PCDH11X: variants seen among roughly 807,000 people sequenced by gnomAD.
PCDH11X encodes the protein protocadherin-11 X-linked.
A neutral mutation model predicts 53.3 loss-of-function variants in PCDH11X; 18 were observed. The ratio of observed to expected loss-of-function variants is 0.34; its 90% CI spans 0.23 to 0.50. The LOEUF is 0.50. PCDH11X is among the 20% of genes least tolerant of loss of function. The probability of loss-of-function intolerance (pLI) is 0.98; values close to 1 mark genes in which losing one functional copy is unlikely to be tolerated. For synonymous variants in PCDH11X, 279 were observed against 393.3 expected (o/e 0.71, Z 3.44); for missense variants, 570 against 1,032.4 (o/e 0.55, Z 6.14).
chrX:91,815,427 CA>C (rs1232725923), intron 4 of PCDH11X, among the ~76,000 whole-genome samples: 1 of 110,799 alleles, frequency 9.0e-6, no homozygotes, highest in Non-Finnish European at 1.9e-5. Context: ...AAGACAATTG[CA>C]AAAAAATGAT....
intron 6 of PCDH11X, among the ~76,000 whole-genome samples, chrX:91,926,663 A>T (rs1358462774): frequency 2.3e-4 from 26 of 110,639 alleles, no homozygotes; most frequent in Non-Finnish European, 3.0e-4. Flanking sequence ...CAAATATTAT[A>T]TTTTTTGATT....
intron 6 of PCDH11X, among the ~76,000 whole-genome samples, chrX:92,005,009 C>T (rs755035960): frequency 2.5e-4 from 28 of 110,467 alleles, no homozygotes; most frequent in African/African-American, 8.6e-4. Context: ...CTCCTGACCT[C>T]GTGATCCTCC....
chrX:92,481,052 T>G (rs2073492935), intron 10 of PCDH11X, among the ~76,000 whole-genome samples: 1 of 110,749 alleles, frequency 9.0e-6, no homozygotes, highest in Non-Finnish European at 1.9e-5. Flanking sequence ...CAGGTCTTTG[T>G]GCACCCTCTA....
At chrX:92,379,323 G>A (rs1002271937) in intron 8 of PCDH11X, among the ~76,000 whole-genome samples, 4 of 113,044 alleles carry the variant, frequency 3.5e-5, no homozygotes, top group Non-Finnish European at 7.5e-5. Context: ...GCCAAGCCTG[G>A]GCACTGTGGC....
chrX:92,035,024 T>C (rs2063107587), intron 6 of PCDH11X, among the ~76,000 whole-genome samples: 1 of 110,643 alleles, frequency 9.0e-6, no homozygotes, highest in Admixed American at 9.7e-5. Context: ...CAAGCAAAAA[T>C]AAAACTAATA....
chrX:92,447,051 C>A (rs938934691), intron 9 of PCDH11X, among the ~76,000 whole-genome samples: 1 of 111,744 alleles, frequency 8.9e-6, no homozygotes, highest in African/African-American at 3.3e-5. Context: ...TTTAAGGTAT[C>A]TAGCAGAAGA....
chrX:92,134,981 C>T (rs1034528562), intron 6 of PCDH11X, among the ~76,000 whole-genome samples: 3 of 110,957 alleles, frequency 2.7e-5, no homozygotes, highest in African/African-American at 9.8e-5. Flanking sequence ...CAGTAGGACT[C>T]AGTCTCATTT....
chrX:92,551,977 G>T, intron 10 of PCDH11X, among the ~76,000 whole-genome samples: 1 of 65,458 alleles, frequency 1.5e-5, no homozygotes, highest in African/African-American at 5.0e-5. Flanking sequence ...GTCAGGTAAG[G>T]TGATTCCTCT....
rs755368049 is a variant in PCDH11X at position 92,105,540 on chromosome X, G to A, written c.3034-95835G>A. On this transcript the variant is annotated intron_variant, in intron 6 of 10. Coordinates refer to ENST00000682573, the MANE Select transcript of PCDH11X (RefSeq NM_032968.5). ...CGGGCTGAGTCGGAAAAGAGAGTCA[G>A]CGAAGGGAGATAGGGGTGGGGCCGT... Among the ~76,000 whole-genome samples the A allele has an allele frequency of 4.6e-5, 5 of 109,640 alleles. No individual in the cohort carries two copies. In the Admixed American group the frequency reaches 4.9e-4, roughly 11 times the overall value.
At chrX:92,111,071 G>A (rs1361116640) in intron 6 of PCDH11X, among the ~76,000 whole-genome samples, 1 of 106,856 alleles carries the variant, frequency 9.4e-6, no homozygotes, top group Non-Finnish European at 1.9e-5. Flanking sequence ...CTAAATACTT[G>A]GCAAAGGAAA....
At chrX:92,410,292 TG>T (rs1270862443) in intron 9 of PCDH11X, among the ~76,000 whole-genome samples, 1 of 108,152 alleles carries the variant, frequency 9.2e-6, no homozygotes, top group Non-Finnish European at 1.9e-5. Context: ...GGTAGGCATC[TG>T]TTCAGGTATT....
chrX:92,154,461 G>A (rs1469293943), intron 6 of PCDH11X, among the ~76,000 whole-genome samples: 2 of 107,089 alleles, frequency 1.9e-5, no homozygotes, highest in Non-Finnish European at 1.9e-5. Context: ...GAAACTCTGC[G>A]TAGAGAAAAG....
intron 8 of PCDH11X, among the ~76,000 whole-genome samples, chrX:92,375,166 A>ATATATATATATATAT (rs1302181048): frequency 2.4e-4 from 2 of 8,262 alleles, no homozygotes; most frequent in South Asian, 9.8e-3. Flanking sequence ...ATATATATAT[A>ATATATATATATATAT]TTTTTTTTTT....
intron 5 of PCDH11X, among the ~76,000 whole-genome samples, chrX:91,839,616 A>T (rs1434812084): frequency 9.0e-6 from 1 of 110,504 alleles, no homozygotes; most frequent in East Asian, 2.8e-4. Flanking sequence ...AAAAATAAAT[A>T]AATAAAATTA....
intron 6 of PCDH11X, among the ~76,000 whole-genome samples, chrX:91,969,809 A>T (rs2061923735): frequency 9.3e-6 from 1 of 108,051 alleles, no homozygotes; most frequent in African/African-American, 3.4e-5. Flanking sequence ...AAAAAAAAAA[A>T]AGGAAAAAAG....
chrX:92,091,805 A>G (rs763861442), intron 6 of PCDH11X, among the ~76,000 whole-genome samples: 4 of 111,341 alleles, frequency 3.6e-5, no homozygotes, highest in Non-Finnish European at 7.5e-5. Context: ...CAGATAGCCA[A>G]CTTCAGAGAG....
intron 6 of PCDH11X, among the ~76,000 whole-genome samples, chrX:92,037,626 C>G (rs183386657): frequency 1.8e-4 from 20 of 110,584 alleles, no homozygotes; most frequent in Non-Finnish European, 1.9e-5. Flanking sequence ...GCCACACTAT[C>G]TTCCACAATT....
At chrX:92,414,699 T>A (rs1413024308) in intron 9 of PCDH11X, among the ~76,000 whole-genome samples, 1 of 106,679 alleles carries the variant, frequency 9.4e-6, no homozygotes, top group Admixed American at 1.0e-4. Context: ...AATTAAGACA[T>A]CACAGACTGT....
intron 7 of PCDH11X, among the ~76,000 whole-genome samples, chrX:92,242,395 G>A (rs1029828565): frequency 2.7e-5 from 3 of 110,849 alleles, no homozygotes; most frequent in Non-Finnish European, 3.8e-5. Flanking sequence ...TTTTGGGATC[G>A]GCTTTTTCAC....
Sources: gnomAD v4.1 joint callset for allele counts (sites outside exome capture counted in the v4.1 genomes callset) on GRCh38, gnomAD v4.1.1 for gene constraint, MANE v1.5 for transcripts, NCBI Gene and HGNC (gene_info 2026-07-23, HGNC 2026-07-21) for gene names.